ANKS1B: variants seen among roughly 807,000 people sequenced by gnomAD.
ANKS1B encodes the protein ankyrin repeat and sterile alpha motif domain-containing protein 1B.
In ANKS1B, 36 loss-of-function variants were observed where a neutral mutation model predicts 148.3. The observed-to-expected ratio is 0.24, with a 90% CI of 0.19 to 0.32. ANKS1B has a LOEUF of 0.32. Among genes scored for constraint, ANKS1B ranks in the 10% least tolerant of loss-of-function variants. The pLI is 1.00. For missense variants in ANKS1B, 1,157 were observed against 1,542.6 expected (o/e 0.75, Z 4.19); for synonymous variants, 542 against 560.8 (o/e 0.97, Z 0.47).
chr12:99,246,197 A>G, intron 13 of ANKS1B, 78 bp downstream of exon 13: 1 of 1,163,744 alleles, frequency 8.6e-7, no homozygotes. Flanking sequence ...AAAGAGCTAA[A>G]AAGCTGAAAA....
At chr12:98,848,310 T>TA (rs571534128) in intron 17 of ANKS1B, among the ~76,000 whole-genome samples, 4 of 152,118 alleles carry the variant, frequency 2.6e-5, no homozygotes, top group African/African-American at 7.2e-5. Context: ...CAACATACAA[T>TA]AAAAAAATTG....
chr12:99,140,018 A>T (rs142501156), intron 15 of ANKS1B, among the ~76,000 whole-genome samples: 85 of 152,348 alleles, frequency 5.6e-4, no homozygotes, highest in African/African-American at 2.0e-3. Flanking sequence ...ATGCAAGTTT[A>T]GGTTAGTTAC....
chr12:99,794,071 T>C (rs2065955299), intron 4 of ANKS1B, among the ~76,000 whole-genome samples: 2 of 152,054 alleles, frequency 1.3e-5, no homozygotes, highest in Admixed American at 6.6e-5. Context: ...TATGAAAAGG[T>C]GTTCAGCATC....
At chr12:99,091,370 T>C (rs978139222) in intron 15 of ANKS1B, among the ~76,000 whole-genome samples, 1 of 152,202 alleles carries the variant, frequency 6.6e-6, no homozygotes, top group African/African-American at 2.4e-5. Context: ...TTTGTTAAAG[T>C]ATCGAGCAGG....
At chr12:99,438,867 T>A (rs1217309044) in intron 11 of ANKS1B, among the ~76,000 whole-genome samples, 1 of 151,430 alleles carries the variant, frequency 6.6e-6, no homozygotes, top group African/African-American at 2.4e-5. Flanking sequence ...TTTACTATAG[T>A]CACAGCAATA....
At chr12:99,350,207 G>C (rs896963924) in intron 12 of ANKS1B, among the ~76,000 whole-genome samples, 1 of 151,966 alleles carries the variant, frequency 6.6e-6, no homozygotes, top group African/African-American at 2.4e-5. Context: ...CCTGTAAGAT[G>C]TGCCTGCGTC....
chr12:99,157,647 A>G (rs2076213433), intron 14 of ANKS1B, among the ~76,000 whole-genome samples: 1 of 152,070 alleles, frequency 6.6e-6, no homozygotes, highest in Non-Finnish European at 1.5e-5. Context: ...TAGACACTGG[A>G]GACTCAGAAA....
intron 15 of ANKS1B, among the ~76,000 whole-genome samples, chr12:99,094,189 C>T (rs2055092845): frequency 6.6e-6 from 1 of 152,178 alleles, no homozygotes; most frequent in Non-Finnish European, 1.5e-5. Context: ...CAAGGTCCCT[C>T]TACCTTTAGA....
At chr12:99,713,183 G>C (rs1041791564) in intron 8 of ANKS1B, among the ~76,000 whole-genome samples, 1 of 152,074 alleles carries the variant, frequency 6.6e-6, no homozygotes, top group Admixed American at 6.5e-5. Context: ...AGATCTGTGA[G>C]GGGATCCATG....
intron 12 of ANKS1B, among the ~76,000 whole-genome samples, chr12:99,256,444 T>A (rs1200773597): frequency 2.0e-5 from 3 of 152,194 alleles, no homozygotes. Flanking sequence ...AGACCATTTT[T>A]AAATTTCAAT....
At chr12:98,772,948 C>T (rs757617483) in intron 25 of ANKS1B, 94 bp downstream of exon 25, 7 of 1,428,792 alleles carry the variant, frequency 4.9e-6, no homozygotes, top group Non-Finnish European at 6.7e-6. Flanking sequence ...GGTAAACAAG[C>T]CAAGCTAGTG....
chr12:99,873,346 C>A (rs1266908328), intron 1 of ANKS1B, among the ~76,000 whole-genome samples: 1 of 152,110 alleles, frequency 6.6e-6, no homozygotes, highest in Non-Finnish European at 1.5e-5. Context: ...TTCTTTGGAG[C>A]CACTCGATTC....
intron 10 of ANKS1B, among the ~76,000 whole-genome samples, chr12:99,453,480 C>T (rs1028574850): frequency 6.6e-6 from 1 of 152,088 alleles, no homozygotes; most frequent in South Asian, 2.1e-4. Context: ...GGAGCTGAGG[C>T]CCTCATTTCA....
chr12:98,906,848 TA>T (rs2099779808), intron 17 of ANKS1B, among the ~76,000 whole-genome samples: 1 of 152,228 alleles, frequency 6.6e-6, no homozygotes, highest in African/African-American at 2.4e-5. Flanking sequence ...TTTTTGTTTT[TA>T]TTTTTTTCCA....
At chr12:99,200,485 T>C (rs149979900) in intron 14 of ANKS1B, among the ~76,000 whole-genome samples, 143 of 152,320 alleles carry the variant, frequency 9.4e-4, no homozygotes, top group African/African-American at 3.1e-3. Context: ...AATGACAAAA[T>C]AGTTTCAAAT....
At chr12:99,079,615 G>C (rs1321563295) in intron 16 of ANKS1B, 2 of 152,184 alleles carry the variant, frequency 1.3e-5, no homozygotes, top group Admixed American at 6.5e-5. Flanking sequence ...GGATTTAACC[G>C]AGGAGAATGA....
intron 17 of ANKS1B, among the ~76,000 whole-genome samples, chr12:98,932,500 G>C (rs1241355144): frequency 6.6e-6 from 1 of 152,176 alleles, no homozygotes; most frequent in Non-Finnish European, 1.5e-5. Context: ...AAGCTTATCT[G>C]TGTGGAATTG....
At chr12:99,425,265 C>A (rs578189738) in intron 11 of ANKS1B, among the ~76,000 whole-genome samples, 1 of 151,856 alleles carries the variant, frequency 6.6e-6, no homozygotes, top group South Asian at 2.1e-4. Flanking sequence ...TTTATAGTTA[C>A]CATATAATTA....
intron 1 of ANKS1B, among the ~76,000 whole-genome samples, chr12:99,946,386 A>G (rs1378225963): frequency 1.3e-5 from 2 of 152,170 alleles, no homozygotes; most frequent in Non-Finnish European, 2.9e-5. Flanking sequence ...TCAGGGTGCC[A>G]GCATGGTAGA....
Sources: gnomAD v4.1 joint callset for allele counts (sites outside exome capture counted in the v4.1 genomes callset) on GRCh38, gnomAD v4.1.1 for gene constraint, MANE v1.5 for transcripts, NCBI Gene and HGNC (gene_info 2026-07-23, HGNC 2026-07-21) for gene names.